TP53BP2: variants seen among roughly 807,000 people sequenced by gnomAD.
The protein encoded by TP53BP2 is apoptosis-stimulating of p53 protein 2.
TP53BP2 carries 62 observed loss-of-function variants against 126.2 expected under a neutral mutation model. The observed-to-expected ratio is 0.49, with a 90% confidence interval of 0.40 to 0.61. The LOEUF (loss-of-function observed/expected upper bound fraction) is 0.61, where lower values mean the gene tolerates loss of function less well. TP53BP2 is among the 20% of genes least tolerant of loss of function. TP53BP2 has a pLI of 0.00. For missense variants in TP53BP2, 1,215 were observed against 1,402.8 expected (o/e 0.87, Z 2.14); for synonymous variants, 485 against 502.9 (o/e 0.96, Z 0.48).
rs775849425 is a variant in TP53BP2, at chr1:223,821,269, T to C, written c.126A>G (p.Lys42=). 1 of 1,614,080 alleles carries C rather than the reference T, an allele frequency of 6.2e-7. No homozygotes were observed. The highest frequency in any genetic ancestry group is 8.5e-7 in the Non-Finnish European group (1 of 1,179,906). ...AATGGCAATCACTCTCGCCGGGTTCTTTGCACAGATCCACCACGTCTCTGC... is the reference window on the plus strand; with the variant it reads ...AATGGCAATCACTCTCGCCGGGTTCCTTGCACAGATCCACCACGTCTCTGC... ...TICRDVVDLC[K]EPGESDCHLA... is the part of the protein sequence containing the mutation. Residue 42 remains lysine (K), a synonymous_variant, in exon 2 of 18, where the codon AAA becomes AAG. Coordinates refer to ENST00000343537, the MANE Select transcript of TP53BP2 (RefSeq NM_001031685.3).
chr1:223,810,155 G>A (rs1212226498), intron 4 of TP53BP2, among the ~76,000 whole-genome samples: 1 of 152,104 alleles, frequency 6.6e-6, no homozygotes, highest in East Asian at 1.9e-4. Flanking sequence ...AGTGATGATT[G>A]CAACAAATAA....
chr1:223,829,532 A>G (rs1282490479), intron 1 of TP53BP2, among the ~76,000 whole-genome samples: 1 of 152,182 alleles, frequency 6.6e-6, no homozygotes, highest in Non-Finnish European at 1.5e-5. Context: ...TTCTTTAAAT[A>G]CCATATTCTC....
chr1:223,785,665 G>A (rs967027230), intron 16 of TP53BP2, among the ~76,000 whole-genome samples: 17 of 152,310 alleles, frequency 1.1e-4, no homozygotes, highest in East Asian at 9.6e-4. Context: ...GGGATTACAG[G>A]CATGAGCCAC....
chr1:223,822,201 A>G (rs1663336676), intron 1 of TP53BP2, among the ~76,000 whole-genome samples: 1 of 150,174 alleles, frequency 6.7e-6, no homozygotes. Context: ...GGCGTGAGCC[A>G]CTGCGCCCGG....
intron 16 of TP53BP2, among the ~76,000 whole-genome samples, chr1:223,786,119 A>C (rs1661945095): frequency 1.3e-5 from 2 of 152,334 alleles, no homozygotes; most frequent in East Asian, 3.9e-4. Context: ...AATCTCAAAA[A>C]CCATGTTGAA....
chr1:223,817,073 T>A (rs1479324207), intron 2 of TP53BP2, among the ~76,000 whole-genome samples: 1 of 151,164 alleles, frequency 6.6e-6, no homozygotes, highest in Non-Finnish European at 1.5e-5. Context: ...GGTGGGAGGA[T>A]CACTTGAGCC....
chr1:223,812,154 C>G (rs1046158594), intron 3 of TP53BP2, among the ~76,000 whole-genome samples: 1 of 152,012 alleles, frequency 6.6e-6, no homozygotes, highest in African/African-American at 2.4e-5. Flanking sequence ...GAAAGGCAAC[C>G]AGGTAGCTTG....
At chr1:223,804,761 T>C (rs1662659212) in intron 5 of TP53BP2, among the ~76,000 whole-genome samples, 2 of 152,204 alleles carry the variant, frequency 1.3e-5, no homozygotes, top group Non-Finnish European at 2.9e-5. Flanking sequence ...ACTTATTAGC[T>C]ATGAGACCCT....
chr1:223,793,316 C>T lies in TP53BP2; in HGVS notation c.2849G>A (p.Arg950Lys). The change falls in exon 14 of 18, where the codon AGA (arginine) becomes AAA (lysine). Residue 950 changes from arginine (R) to lysine (K), a missense_variant. Coordinates refer to ENST00000343537, the MANE Select transcript of TP53BP2 (RefSeq NM_001031685.3). ...TTATAATCATACCTCATAAATAATTCTCTGTACAAGGTCAAATTCTCCCTC... is the reference window on the plus strand; with the variant it reads ...TTATAATCATACCTCATAAATAATTTTCTGTACAAGGTCAAATTCTCCCTC... ...SLEGEFDLVQRIIYEVDDPSL... is the reference protein window; with the variant it reads ...SLEGEFDLVQKIIYEVDDPSL... 6.3e-7 allele frequency: 1 copy of T among 1,591,846 alleles called. No individual in the cohort carries two copies. The highest frequency in any genetic ancestry group is 1.2e-5 in the South Asian group (1 of 85,332).
At chr1:223,810,122 G>A (rs115457903) in intron 4 of TP53BP2, among the ~76,000 whole-genome samples, 45 of 152,154 alleles carry the variant, frequency 3.0e-4, no homozygotes, top group African/African-American at 7.5e-4. Context: ...CACTGCACCC[G>A]GCCAATTTTG....
chr1:223,782,610 G>A (rs1661811795), intron 17 of TP53BP2, among the ~76,000 whole-genome samples: 1 of 152,092 alleles, frequency 6.6e-6, no homozygotes, highest in South Asian at 2.1e-4. Context: ...AACCTCCCGA[G>A]TAGCTGGGAT....
chr1:223,812,031 A>T (rs1356373993), intron 3 of TP53BP2, among the ~76,000 whole-genome samples: 1 of 150,012 alleles, frequency 6.7e-6, no homozygotes, highest in East Asian at 1.9e-4. Context: ...ATAGAGAACA[A>T]AAAAAAAAAT....
In TP53BP2 at chr1:223,796,418, T is replaced by C; in HGVS notation, c.2121A>G (p.Lys707=). ...ERIPRPLSPT[K]LLPFLSNPYR... ...AAGGATTAGATAAGAAAGGCAGTAA[T>C]TTAGTTGGGCTGAGTGGCCGAGGAA... The change falls in exon 13 of 18, where the codon AAA becomes AAG. Residue 707 remains lysine, a synonymous_variant. Coordinates refer to ENST00000343537, the MANE Select transcript of TP53BP2 (RefSeq NM_001031685.3). The surrounding 1 kb of genome is among the most constrained non-coding windows in gnomAD (Gnocchi z 4.2). 1.2e-6 allele frequency: 2 copies of C among 1,614,182 alleles called. No homozygotes were observed. The highest frequency in any genetic ancestry group is 1.7e-6 in the Non-Finnish European group (2 of 1,180,028).
chr1:223,830,313 T>G (rs1054090971), intron 1 of TP53BP2, among the ~76,000 whole-genome samples: 4 of 152,200 alleles, frequency 2.6e-5, no homozygotes, highest in Admixed American at 1.3e-4. Flanking sequence ...CTGGAGCATT[T>G]CAGATTTCAG....
rs1002818829 is a variant in TP53BP2 at position 223,799,497 on chromosome 1, C to G, written c.1485+402G>C. 1.3e-5 allele frequency among the ~76,000 whole-genome samples: 2 copies of G among 152,272 alleles called. 1 individual carries two copies. Among genetic ancestry groups the G allele is most frequent in the East Asian group, 3.9e-4 (2 of 5,180 alleles). ...CTGGAATTTCATGCAATCTAGACAA[C>G]TGTAATAAAACACACCTAACTTGGA... On this transcript the variant is annotated intron_variant, in intron 11 of 17. Coordinates refer to ENST00000343537, the MANE Select transcript of TP53BP2 (RefSeq NM_001031685.3).
At chr1:223,815,121 AAC>A (rs1231616627) in intron 2 of TP53BP2, among the ~76,000 whole-genome samples, 1 of 152,236 alleles carries the variant, frequency 6.6e-6, no homozygotes, top group East Asian at 1.9e-4. Context: ...CAGTAATGTC[AAC>A]ATGATTTTTA....
chr1:223,840,552 G>A (rs550744403), intron 1 of TP53BP2, among the ~76,000 whole-genome samples: 2 of 152,318 alleles, frequency 1.3e-5, no homozygotes. Context: ...CTAAGGAGAG[G>A]CTAGATAACA....
In TP53BP2 at chr1:223,810,352, A is replaced by G. The variant is rs539769007; in HGVS notation, c.372+79T>C. ...CCATCCTTAGCCCATTGAATAACAAAGTAATAATGAATAAGATTTAAAGTT... is the reference window on the plus strand; with the variant it reads ...CCATCCTTAGCCCATTGAATAACAAGGTAATAATGAATAAGATTTAAAGTT... On this transcript the variant is annotated intron_variant, in intron 4 of 17. Coordinates refer to ENST00000343537, the MANE Select transcript of TP53BP2 (RefSeq NM_001031685.3). The G allele has an allele frequency of 1.2e-3, 1,244 of 1,061,646 alleles. 2 individuals carry two copies. Among genetic ancestry groups the G allele is most frequent in the Non-Finnish European group, 1.4e-3 (1,060 of 757,972 alleles). 65.8% of individuals were successfully genotyped at this position (1,061,646 alleles called of 1,614,324 possible).
intron 13 of TP53BP2, 129 bp downstream of exon 13, chr1:223,795,686 T>A: frequency 1.3e-6 from 1 of 791,530 alleles, no homozygotes; most frequent in South Asian, 3.9e-5. Flanking sequence ...AAAACATTTA[T>A]AAGATCCACT....
Sources: gnomAD v4.1 joint callset for allele counts (sites outside exome capture counted in the v4.1 genomes callset) on GRCh38, gnomAD v4.1.1 for gene constraint, Gnocchi (gnomAD v3.1) non-coding constraint, MANE v1.5 for transcripts, NCBI Gene and HGNC (gene_info 2026-07-23, HGNC 2026-07-21) for gene names.